DLG2: variants seen among roughly 807,000 people sequenced by gnomAD.
DLG2 encodes discs large MAGUK scaffold protein 2, also known as disks large homolog 2.
Under a neutral mutation model 132.5 loss-of-function variants are expected in DLG2, and 45 were observed. The ratio of observed to expected loss-of-function variants is 0.34; its 90% confidence interval spans 0.27 to 0.44. DLG2 has a LOEUF of 0.44. Ranked by LOEUF, DLG2 falls within the 20% of genes least tolerant of loss-of-function variation. The probability of loss-of-function intolerance (pLI) is 1.00; values close to 1 mark genes in which losing one functional copy is unlikely to be tolerated. For synonymous variants in DLG2, 424 were observed against 419.6 expected (o/e 1.01, Z -0.13); for missense variants, 1,045 against 1,196.9 (o/e 0.87, Z 1.87).
At chr11:83,472,454 G>C (rs2092163569) in intron 23 of DLG2, among the ~76,000 whole-genome samples, 1 of 152,106 alleles carries the variant, frequency 6.6e-6, no homozygotes. Context: ...TAGGTAATTT[G>C]AATGTGTTCC....
At chr11:85,538,370 G>C (rs552820340) in intron 3 of DLG2, among the ~76,000 whole-genome samples, 7 of 151,984 alleles carry the variant, frequency 4.6e-5, no homozygotes, top group Non-Finnish European at 7.4e-5. Context: ...GGAGAAATAG[G>C]AACACTTTTA....
chr11:85,561,232 T>A lies in DLG2; in HGVS notation c.40+37425A>T, dbSNP rs7128940. Among the ~76,000 whole-genome samples the A allele has an allele frequency of 5.3e-3, 786 of 146,970 alleles. 10 individuals carry two copies. Among genetic ancestry groups the A allele is most frequent in the African/African-American group, 0.018 (730 of 40,088 alleles). On this transcript the variant is annotated intron_variant, in intron 3 of 27. Transcript: ENST00000376104. ...AACACGATTAGCCAGGCATGGTGGT[T>A]GAGACAGGAGGATCTCTTGAGCCCA...
chr11:83,548,766 C>T lies in DLG2; in HGVS notation c.1941-6908G>A, dbSNP rs542492765. ...ACCTTATGTGATAAATATAATTTTC[C>T]GTATTTTAAGATAAAGAAGCTGAGA... On this transcript the variant is annotated intron_variant, in intron 19 of 27. Transcript: ENST00000376104. 6.6e-5 allele frequency among the ~76,000 whole-genome samples: 10 copies of T among 152,156 alleles called. No individual in the cohort carries two copies. The East Asian group carries it at 1.4e-3, about 21-fold the overall frequency.
At chr11:85,194,401 A>T (rs1056577029) in intron 4 of DLG2, among the ~76,000 whole-genome samples, 5 of 152,074 alleles carry the variant, frequency 3.3e-5, no homozygotes, top group African/African-American at 1.2e-4. Flanking sequence ...ATATAGTTAT[A>T]TATTCATTGT....
chr11:84,722,291 T>A (rs2061924954), intron 6 of DLG2, among the ~76,000 whole-genome samples: 1 of 152,182 alleles, frequency 6.6e-6, no homozygotes, highest in South Asian at 2.1e-4. Context: ...GGCAAACTGT[T>A]AGAACCACAT....
At chr11:84,535,047 G>A (rs1264717723) in intron 6 of DLG2, among the ~76,000 whole-genome samples, 1 of 152,174 alleles carries the variant, frequency 6.6e-6, no homozygotes, top group Non-Finnish European at 1.5e-5. Flanking sequence ...AAGTGAGGAG[G>A]TAACCCTCCT....
At chr11:84,417,206 T>C (rs570508958) in intron 7 of DLG2, among the ~76,000 whole-genome samples, 1 of 152,218 alleles carries the variant, frequency 6.6e-6, no homozygotes, top group African/African-American at 2.4e-5. Flanking sequence ...GACTTTCTGA[T>C]TGTGAACACT....
intron 6 of DLG2, among the ~76,000 whole-genome samples, chr11:84,742,132 A>AG (rs1189195391): frequency 6.6e-6 from 1 of 152,132 alleles, no homozygotes; most frequent in Non-Finnish European, 1.5e-5. Flanking sequence ...AGAAAAAAAA[A>AG]TGAAGAAAGC....
chr11:83,509,709 G>T (rs2094910664), intron 21 of DLG2, among the ~76,000 whole-genome samples: 1 of 152,016 alleles, frequency 6.6e-6, no homozygotes, highest in South Asian at 2.1e-4. Flanking sequence ...GAACATCCAG[G>T]TTGAATAGAT....
At chr11:84,390,569 A>T (rs977681679) in intron 7 of DLG2, among the ~76,000 whole-genome samples, 1 of 152,150 alleles carries the variant, frequency 6.6e-6, no homozygotes, top group Non-Finnish European at 1.5e-5. Flanking sequence ...CGCAGGTGGT[A>T]AACAGGAATG....
intron 6 of DLG2, among the ~76,000 whole-genome samples, chr11:84,826,838 C>A (rs571966123): frequency 1.3e-5 from 2 of 151,800 alleles, no homozygotes; most frequent in Admixed American, 6.6e-5. Context: ...ACCTTCTCAA[C>A]AGGAAATCTT....
rs199664093 is a variant in DLG2 at position 85,060,419 on chromosome 11, GTA to G, written c.357+51240_357+51241del. Among the ~76,000 whole-genome samples, 611 of 149,902 alleles carry G rather than the reference GTA, an allele frequency of 4.1e-3. 2 individuals are homozygous for G. Among genetic ancestry groups the G allele is most frequent in the African/African-American group, 0.014 (568 of 40,956 alleles). On this transcript the variant is annotated intron_variant, in intron 6 of 27. Transcript: ENST00000376104. ...TATACATAACATTATATATGTGTGT[GTA>G]TATATATGTGTATATATATACACGC...
chr11:85,623,207 C>T (rs2081842422), intron 2 of DLG2, among the ~76,000 whole-genome samples: 1 of 151,834 alleles, frequency 6.6e-6, no homozygotes, highest in South Asian at 2.1e-4. Context: ...CACTGAGAAC[C>T]ACTGCAAAAA....
chr11:85,286,017 C>A, intron 3 of DLG2: 1 of 370,262 alleles, frequency 2.7e-6, no homozygotes, highest in Non-Finnish European at 5.2e-6. Flanking sequence ...GAAATGCAGA[C>A]TGTTACAAAG....
chr11:85,321,202 TGA>T (rs1259994535), intron 3 of DLG2, among the ~76,000 whole-genome samples: 1 of 151,858 alleles, frequency 6.6e-6, no homozygotes, highest in East Asian at 1.9e-4. Flanking sequence ...ATGAAGGCTA[TGA>T]GAGAGAAAAA....
chr11:85,412,725 TCACACACACACACACA>T (rs542505541), intron 3 of DLG2, among the ~76,000 whole-genome samples: 1 of 92,254 alleles, frequency 1.1e-5, no homozygotes, highest in Non-Finnish European at 2.2e-5. Context: ...GAGCAGTATT[TCACACACACACACACA>T]CACACACACA....
At chr11:85,296,984 A>T (rs2079271283) in intron 3 of DLG2, among the ~76,000 whole-genome samples, 1 of 150,974 alleles carries the variant, frequency 6.6e-6, no homozygotes, top group South Asian at 2.1e-4. Context: ...TATCATATAC[A>T]TATCATTATA....
chr11:83,795,622 G>A (rs1215280069), intron 17 of DLG2, among the ~76,000 whole-genome samples: 1 of 152,006 alleles, frequency 6.6e-6, no homozygotes, highest in Non-Finnish European at 1.5e-5. Context: ...AAGATGAGTG[G>A]TTTACCATTC....
At chr11:84,173,843 G>A (rs1357577977) in intron 8 of DLG2, among the ~76,000 whole-genome samples, 1 of 151,888 alleles carries the variant, frequency 6.6e-6, no homozygotes. Context: ...CCCACCACTC[G>A]CAACTTCCCT....
Sources: gnomAD v4.1 joint callset for allele counts (sites outside exome capture counted in the v4.1 genomes callset) on GRCh38, gnomAD v4.1.1 for gene constraint, MANE v1.5 for transcripts, NCBI Gene and HGNC (gene_info 2026-07-23, HGNC 2026-07-21) for gene names.